The following RNF115 variants were observed in gnomAD, a reference collection of about 807,000 sequenced individuals.
RNF115 encodes the protein ring finger protein 115, also known as E3 ubiquitin-protein ligase RNF115.
In RNF115, 31 loss-of-function variants were observed where a neutral mutation model predicts 39.2. That is an observed-to-expected ratio of 0.79 (90% confidence interval 0.59 to 1.07). The LOEUF (loss-of-function observed/expected upper bound fraction) is 1.07, where lower values mean the gene tolerates loss of function less well. Ranked by LOEUF, RNF115 falls within the 50% of genes least tolerant of loss-of-function variation. RNF115 has a pLI of 0.00. For synonymous variants in RNF115, 124 were observed against 131.0 expected (o/e 0.95, Z 0.37); for missense variants, 384 against 381.7 (o/e 1.01, Z -0.05).
rs1657728313 is a variant in RNF115 at position 145,742,861 on chromosome 1, G to A, written c.*4005C>T. 6.6e-6 allele frequency: 1 copy of A among 152,128 alleles called. No homozygotes were observed. The highest frequency in any genetic ancestry group is 2.4e-5 in the African/African-American group (1 of 41,422). The allele number at this position is 152,128 out of a possible 1,614,324, so 9.4% of individuals were successfully genotyped here. On this transcript the variant is annotated 3_prime_UTR_variant, in exon 9 of 9. Coordinates refer to ENST00000582693, the MANE Select transcript of RNF115 (RefSeq NM_014455.4). ...ATTCCTGGACCAATTCCTGCTCAAA[G>A]AAAACATTTAAGAAGCACCTGTCGG...
chr1:145,780,716 C>A lies in RNF115; in HGVS notation c.219+3823G>T, dbSNP rs587657338. The stretch of plus-strand genomic sequence containing the variant: ...CTGCTTATGTAACAAAAACAAATAA[C>A]AAATTTTATTTAAATACATATAAAT... On this transcript the variant is annotated intron_variant, in intron 3 of 8. Transcript: ENST00000582693. Among the ~76,000 whole-genome samples, 13 of 146,290 alleles carry A rather than the reference C, an allele frequency of 8.9e-5. No homozygotes were observed. In the East Asian group the frequency reaches 2.4e-3, roughly 27 times the overall value.
chr1:145,780,618 TAAAAAAAA>T (rs1205816224), intron 3 of RNF115, among the ~76,000 whole-genome samples: 2 of 64,526 alleles, frequency 3.1e-5, no homozygotes, highest in African/African-American at 6.0e-5. Context: ...AGACTCCGTC[TAAAAAAAA>T]AAAAAAAAAA....
At chr1:145,774,672 A>T (rs1019228671) in intron 3 of RNF115, among the ~76,000 whole-genome samples, 3 of 152,046 alleles carry the variant, frequency 2.0e-5, no homozygotes, top group African/African-American at 7.2e-5. Context: ...TTAAATTTAA[A>T]CTCAGTGTTA....
chr1:145,779,040 T>C (rs781894640), intron 3 of RNF115, among the ~76,000 whole-genome samples: 4 of 152,328 alleles, frequency 2.6e-5, no homozygotes, highest in Non-Finnish European at 4.4e-5. Context: ...TGGTGTTCTA[T>C]GTTTTCTCAG....
At chr1:145,815,487 G>T (rs1649951232) in intron 1 of RNF115, among the ~76,000 whole-genome samples, 1 of 152,390 alleles carries the variant, frequency 6.6e-6, no homozygotes, top group South Asian at 2.1e-4. Context: ...AATCACATAA[G>T]GTAACATTCC....
intron 1 of RNF115, among the ~76,000 whole-genome samples, chr1:145,805,775 A>G (rs1649432995): frequency 6.6e-6 from 1 of 152,196 alleles, no homozygotes; most frequent in South Asian, 2.1e-4. Flanking sequence ...TAGCAGGAAT[A>G]AACACAACTA....
At chr1:145,806,761 G>A (rs181565411) in intron 1 of RNF115, among the ~76,000 whole-genome samples, 3 of 152,336 alleles carry the variant, frequency 2.0e-5, no homozygotes, top group African/African-American at 2.4e-5. Context: ...ATGCTGGTGC[G>A]AAGCTTCTTG....
At chr1:145,755,819 G>A (rs782595522) in intron 4 of RNF115, among the ~76,000 whole-genome samples, 2 of 152,082 alleles carry the variant, frequency 1.3e-5, no homozygotes, top group Non-Finnish European at 2.9e-5. Context: ...AGAAACTGGA[G>A]GGAAAAGGAT....
chr1:145,809,105 G>A (rs4246521), intron 1 of RNF115, among the ~76,000 whole-genome samples: 81,829 of 151,720 alleles, frequency 0.54, 23,623 homozygotes, highest in African/African-American at 0.74. Context: ...ACTAACTAAT[G>A]GCAAGTGGTC....
rs782779006 is a variant in RNF115 at position 145,748,007 on chromosome 1, C to A, written c.771G>T (p.Pro257=). 6.2e-7 allele frequency: 1 copy of A among 1,611,496 alleles called. No individual in the cohort carries two copies. The highest frequency in any genetic ancestry group is 8.5e-7 in the Non-Finnish European group (1 of 1,177,796). ...TTGCTGTACTCACCAGTTCTAGCCA[C>A]GGCACAATACAACTGCTGTGAAAGA... ...NHFFHSSCIV[P]WLELHDTCPV... Residue 257 remains proline, a synonymous_variant, in exon 8 of 9, where the codon CCG becomes CCT. Coordinates refer to ENST00000582693, the MANE Select transcript of RNF115 (RefSeq NM_014455.4).
chr1:145,776,696 C>T (rs767604838), intron 3 of RNF115, among the ~76,000 whole-genome samples: 12 of 150,738 alleles, frequency 8.0e-5, no homozygotes, highest in South Asian at 2.1e-4. Context: ...GTTAGCTGGG[C>T]GTGGTGGAGC....
intron 1 of RNF115, among the ~76,000 whole-genome samples, chr1:145,799,609 A>C (rs1343769639): frequency 6.7e-5 from 2 of 29,744 alleles, no homozygotes; most frequent in Non-Finnish European, 1.3e-4. Flanking sequence ...TGTTGGGGGG[A>C]GGGGGTGGGT....
chr1:145,807,448 C>A lies in RNF115; in HGVS notation c.102+16324G>T, dbSNP rs905604709. Reference sequence around the variant, plus strand: ...CCTATCCATTCAATCAGCACCTGCACTTGATAGAGAATAATAAACCAACAA... The same window carrying A: ...CCTATCCATTCAATCAGCACCTGCAATTGATAGAGAATAATAAACCAACAA... On this transcript the variant is annotated intron_variant, in intron 1 of 8. Transcript: ENST00000582693. Among the ~76,000 whole-genome samples, 12 of 152,170 alleles carry A rather than the reference C, an allele frequency of 7.9e-5. No individual in the cohort carries two copies. In the South Asian group the frequency reaches 2.1e-3, roughly 26 times the overall value.
intron 2 of RNF115, among the ~76,000 whole-genome samples, chr1:145,784,930 CAAAAT>C (rs1250465935): frequency 6.6e-5 from 10 of 152,262 alleles, no homozygotes; most frequent in African/African-American, 2.2e-4. Context: ...GCTAACAAAA[CAAAAT>C]GTTTCACTAA....
At chr1:145,775,997 C>G (rs1647865371) in intron 3 of RNF115, among the ~76,000 whole-genome samples, 1 of 146,074 alleles carries the variant, frequency 6.8e-6, no homozygotes, top group South Asian at 2.1e-4. Context: ...GACCCTGTCT[C>G]AAAAAAATAA....
intron 3 of RNF115, among the ~76,000 whole-genome samples, chr1:145,780,933 A>C (rs1553717262): frequency 6.6e-6 from 1 of 152,136 alleles, no homozygotes; most frequent in Non-Finnish European, 1.5e-5. Context: ...GTTTGCAAGT[A>C]ATCAATGAAA....
intron 1 of RNF115, among the ~76,000 whole-genome samples, chr1:145,815,539 G>A (rs1456721949): frequency 6.6e-6 from 1 of 152,268 alleles, no homozygotes; most frequent in Non-Finnish European, 1.5e-5. Flanking sequence ...GTAGGGTGTA[G>A]GAATGGAATA....
In RNF115 at chr1:145,752,585, C is replaced by CTTTTTTTTTTTTTTTTTTTTTTTTTTT. The variant is rs60257682; in HGVS notation, c.500+392_500+393insAAAAAAAAAAAAAAAAAAAAAAAAAAA. Reference sequence around the variant, plus strand: ...CATCTACATACTCACCTATGCAGCTCTTTTTTTTTTTTTTTTTTTTTGAGA... The same window carrying CTTTTTTTTTTTTTTTTTTTTTTTTTTT: ...CATCTACATACTCACCTATGCAGCTCTTTTTTTTTTTTTTTTTTTTTTTTTTTTTTTTTTTTTTTTTTTTTTTTGAGA... On this transcript the variant is annotated intron_variant, in intron 5 of 8. Transcript: ENST00000582693. 3.6e-5 allele frequency among the ~76,000 whole-genome samples: 3 copies of CTTTTTTTTTTTTTTTTTTTTTTTTTTT among 83,762 alleles called. 1 individual carries two copies. The highest frequency in any genetic ancestry group is 1.7e-4 in the African/African-American group (3 of 17,418). 55.0% of individuals were successfully genotyped at this position (83,762 alleles called of 152,430 possible).
intron 1 of RNF115, among the ~76,000 whole-genome samples, chr1:145,800,461 C>T (rs1041224800): frequency 6.6e-6 from 1 of 152,104 alleles, no homozygotes; most frequent in African/African-American, 2.4e-5. Context: ...TTTCTCAAGC[C>T]CCTTGAATCT....
Sources: gnomAD v4.1 joint callset for allele counts (sites outside exome capture counted in the v4.1 genomes callset) on GRCh38, gnomAD v4.1.1 for gene constraint, MANE v1.5 for transcripts, NCBI Gene and HGNC (gene_info 2026-07-23, HGNC 2026-07-21) for gene names.